The following ECE1 variants were observed in gnomAD, a reference collection of about 807,000 sequenced individuals.
ECE1 encodes the protein endothelin-converting enzyme 1.
Under a neutral mutation model 98.6 loss-of-function variants are expected in ECE1, and 35 were observed. The observed-to-expected ratio is 0.35, with a 90% confidence interval of 0.27 to 0.47. The LOEUF (loss-of-function observed/expected upper bound fraction) is 0.47, where lower values mean the gene tolerates loss of function less well. Among genes scored for constraint, ECE1 ranks in the 20% least tolerant of loss-of-function variants. ECE1 has a pLI of 1.00. For synonymous variants in ECE1, 394 were observed against 407.1 expected, an observed-to-expected ratio of 0.97 and a Z score of 0.39; for missense variants, 814 against 1,025.3, an observed-to-expected ratio of 0.79 and a Z score of 2.81.
intron 9 of ECE1, among the ~76,000 whole-genome samples, chr1:21,245,976 T>G (rs1424093177): frequency 6.6e-6 from 1 of 152,018 alleles, no homozygotes; most frequent in African/African-American, 2.4e-5. Context: ...ATTTAAAATT[T>G]TTTCAGAGCC....
At chr1:21,308,893 G>A (rs925998154) in intron 1 of ECE1, among the ~76,000 whole-genome samples, 1 of 152,194 alleles carries the variant, frequency 6.6e-6, no homozygotes, top group Non-Finnish European at 1.5e-5. Context: ...CCTGGGCTAT[G>A]AGCCACAGCT....
chr1:21,333,972 G>C (rs928943293), intron 1 of ECE1, among the ~76,000 whole-genome samples: 8 of 152,220 alleles, frequency 5.3e-5, no homozygotes, highest in African/African-American at 1.9e-4. Flanking sequence ...TGAGAAAGGT[G>C]CTACCATCAT....
chr1:21,245,653 T>G (rs1170639831), intron 9 of ECE1, among the ~76,000 whole-genome samples: 1 of 152,188 alleles, frequency 6.6e-6, no homozygotes, highest in Non-Finnish European at 1.5e-5. Context: ...GAGACTGTAG[T>G]GAACATCTAA....
chr1:21,224,139 C>T (rs965559639), intron 17 of ECE1, among the ~76,000 whole-genome samples: 1 of 152,098 alleles, frequency 6.6e-6, no homozygotes, highest in African/African-American at 2.4e-5. Flanking sequence ...CTTGCTGAGA[C>T]CATTTTCCCC....
At chr1:21,253,129 T>C (rs1466726533) in intron 8 of ECE1, among the ~76,000 whole-genome samples, 1 of 152,082 alleles carries the variant, frequency 6.6e-6, no homozygotes, top group East Asian at 1.9e-4. Flanking sequence ...TGATCTTGGC[T>C]CAATGCAACC....
At chr1:21,287,970 A>C (rs556183811) in intron 2 of ECE1, among the ~76,000 whole-genome samples, 1 of 152,008 alleles carries the variant, frequency 6.6e-6, no homozygotes, top group South Asian at 2.1e-4. Context: ...GAAAAAAAAA[A>C]AAACAATGAT....
chr1:21,321,910 C>A (rs1638974140), intron 1 of ECE1, among the ~76,000 whole-genome samples: 2 of 152,148 alleles, frequency 1.3e-5, no homozygotes, highest in Admixed American at 6.5e-5. Flanking sequence ...GCCACCGTGC[C>A]CACCCTATTT....
chr1:21,225,682 C>T lies in ECE1; in HGVS notation c.1850-242G>A, dbSNP rs372317019. ...GTGGCCCGAGGCTCAGTGGGGCTTG[C>T]TTTGTTTTCTTTCTTTTTTTTTTTT... On this transcript the variant is annotated intron_variant, in intron 16 of 18. Transcript: ENST00000374893. This position sits in a 1 kb window ranked among gnomAD's most constrained non-coding sequence, Gnocchi z 5.3. Among the ~76,000 whole-genome samples, 1 of 144,762 alleles carries T rather than the reference C, an allele frequency of 6.9e-6. No homozygotes were observed. Among genetic ancestry groups the T allele is most frequent in the Non-Finnish European group, 1.5e-5 (1 of 66,974 alleles). The allele number at this position is 144,762 out of a possible 152,430, so 95.0% of individuals were successfully genotyped here.
chr1:21,255,726 C>A (rs183925118), intron 8 of ECE1, among the ~76,000 whole-genome samples: 1 of 152,148 alleles, frequency 6.6e-6, no homozygotes, highest in Non-Finnish European at 1.5e-5. Flanking sequence ...GTCGGCCAGG[C>A]GCCTATTTTG....
At chr1:21,343,578 G>C (rs954623559) in intron 1 of ECE1, among the ~76,000 whole-genome samples, 4 of 152,350 alleles carry the variant, frequency 2.6e-5, no homozygotes, top group Middle Eastern at 3.4e-3. Context: ...CTCTCACTTG[G>C]GTTATCTCAC....
chr1:21,236,716 C>T lies in ECE1; in HGVS notation c.1488+30G>A. Reference sequence around the variant, plus strand: ...CCTCTATCTGTGCTGGACGCCGCAGCACCCCCTCCAAGTGCCTGGCCAGCC... The same window carrying T: ...CCTCTATCTGTGCTGGACGCCGCAGTACCCCCTCCAAGTGCCTGGCCAGCC... On this transcript the variant is annotated intron_variant, in intron 12 of 18. Transcript: ENST00000374893. 1.9e-6 allele frequency: 3 copies of T among 1,604,136 alleles called. No individual in the cohort carries two copies. The South Asian group carries it at 3.3e-5, about 18-fold the overall frequency.
intron 4 of ECE1, among the ~76,000 whole-genome samples, chr1:21,264,094 G>A (rs529023576): frequency 2.6e-5 from 4 of 152,260 alleles, no homozygotes; most frequent in Non-Finnish European, 5.9e-5. Context: ...TGGCCTGAGT[G>A]AGAAGCTGCT....
At chr1:21,316,264 TTTTG>T (rs764600133) in intron 1 of ECE1, among the ~76,000 whole-genome samples, 9 of 152,250 alleles carry the variant, frequency 5.9e-5, no homozygotes, top group East Asian at 5.8e-4. Context: ...GATTCTAGTT[TTTTG>T]TTTGTTTGTT....
rs996420833 is a variant in ECE1 at position 21,225,642 on chromosome 1, G to A, written c.1850-202C>T. On this transcript the variant is annotated intron_variant, in intron 16 of 18. Transcript: ENST00000374893. The surrounding 1 kb of genome is among the most constrained non-coding windows in gnomAD (Gnocchi z 5.3). ...CGGGAGAGGATGAAGGAGAGAAATC[G>A]GGAAAAGCTCCAGCGTGGCCCGAGG... is the stretch of plus-strand genomic sequence containing the variant. Among the ~76,000 whole-genome samples, 3 of 152,082 alleles carry A rather than the reference G, an allele frequency of 2.0e-5. No homozygotes were observed. The highest frequency in any genetic ancestry group is 1.9e-4 in the East Asian group (1 of 5,190).
chr1:21,301,290 A>C (rs371327267), intron 1 of ECE1, among the ~76,000 whole-genome samples: 13 of 151,016 alleles, frequency 8.6e-5, no homozygotes, highest in African/African-American at 2.4e-4. Flanking sequence ...GTCAGGAGAT[A>C]GAGACCATCC....
At chr1:21,266,306 G>A (rs1198148231) in intron 4 of ECE1, among the ~76,000 whole-genome samples, 2 of 152,086 alleles carry the variant, frequency 1.3e-5, no homozygotes, top group Non-Finnish European at 2.9e-5. Context: ...ATCTGGCCAG[G>A]AGCCTGTGGG....
chr1:21,264,897 T>C (rs1029577150), intron 4 of ECE1, among the ~76,000 whole-genome samples: 3 of 152,160 alleles, frequency 2.0e-5, no homozygotes, highest in African/African-American at 7.2e-5. Flanking sequence ...GGCTGGTCTC[T>C]TCTCTCCTTA....
intron 1 of ECE1, among the ~76,000 whole-genome samples, chr1:21,341,660 T>A (rs1639401245): frequency 6.6e-6 from 1 of 152,222 alleles, no homozygotes; most frequent in Admixed American, 6.5e-5. Flanking sequence ...GAGGCCTCAG[T>A]AGCCCAGTCA....
At chr1:21,308,563 C>G (rs985445359) in intron 1 of ECE1, among the ~76,000 whole-genome samples, 1 of 152,138 alleles carries the variant, frequency 6.6e-6, no homozygotes. Context: ...AAAGAGGCAG[C>G]CTTCATGAGG....
Sources: gnomAD v4.1 joint callset for allele counts (sites outside exome capture counted in the v4.1 genomes callset) on GRCh38, gnomAD v4.1.1 for gene constraint, Gnocchi (gnomAD v3.1) non-coding constraint, MANE v1.5 for transcripts, NCBI Gene and HGNC (gene_info 2026-07-23, HGNC 2026-07-21) for gene names.